The following PIK3C2G variants were observed in gnomAD, a reference collection of about 807,000 sequenced individuals.
The protein encoded by PIK3C2G is phosphatidylinositol-4-phosphate 3-kinase catalytic subunit type 2 gamma.
PIK3C2G carries 168 observed loss-of-function variants against 181.1 expected under a neutral mutation model. The ratio of observed to expected loss-of-function variants is 0.93; its 90% confidence interval spans 0.82 to 1.05. The LOEUF (loss-of-function observed/expected upper bound fraction) is 1.05, where lower values mean the gene tolerates loss of function less well. PIK3C2G is among the 50% of genes least tolerant of loss of function. The probability of loss-of-function intolerance (pLI) is 0.00; values close to 1 mark genes in which losing one functional copy is unlikely to be tolerated. For synonymous variants in PIK3C2G, 573 were observed against 592.2 expected, an observed-to-expected ratio of 0.97 and a Z score of 0.47; for missense variants, 1,869 against 1,732.8, an observed-to-expected ratio of 1.08 and a Z score of -1.40.
chr12:18,716,786 C>A, the PIK3C2G span, among the ~76,000 whole-genome samples: 1 of 151,994 alleles, frequency 6.6e-6, no homozygotes, highest in Non-Finnish European at 1.5e-5. Flanking sequence ...TTTGTTGTAA[C>A]TTATTTAGAT....
At chr12:18,358,999 G>A (rs1238690432) in intron 11 of PIK3C2G, 1 of 154,416 alleles carries the variant, frequency 6.5e-6, no homozygotes, top group Non-Finnish European at 1.4e-5. Context: ...GGGAGGGCGA[G>A]TGAGCAAGCT....
intron 16 of PIK3C2G, among the ~76,000 whole-genome samples, chr12:18,407,661 A>G (rs1303035882): frequency 2.6e-5 from 4 of 152,202 alleles, no homozygotes; most frequent in African/African-American, 7.2e-5. Flanking sequence ...ACATAATCCT[A>G]TGATAACATA....
At chr12:18,409,021 C>T (rs1233456519) in intron 16 of PIK3C2G, among the ~76,000 whole-genome samples, 2 of 152,046 alleles carry the variant, frequency 1.3e-5, no homozygotes, top group African/African-American at 4.8e-5. Flanking sequence ...CTAGAAATAC[C>T]ATTTGACCCA....
chr12:18,316,386 A>G (rs1950863172), intron 6 of PIK3C2G, among the ~76,000 whole-genome samples: 1 of 152,218 alleles, frequency 6.6e-6, no homozygotes, highest in Non-Finnish European at 1.5e-5. Flanking sequence ...TCCAGGGACA[A>G]GCATATTGTT....
chr12:18,395,840 T>G (rs1943857656), intron 15 of PIK3C2G, among the ~76,000 whole-genome samples: 1 of 151,048 alleles, frequency 6.6e-6, no homozygotes, highest in Non-Finnish European at 1.5e-5. Context: ...TATTTTAATC[T>G]CTAGGAAAAC....
chr12:18,537,751 T>G (rs1166549346), intron 24 of PIK3C2G, among the ~76,000 whole-genome samples: 1 of 152,048 alleles, frequency 6.6e-6, no homozygotes, highest in Non-Finnish European at 1.5e-5. Context: ...CAAGGAAATT[T>G]TTTTTAATAC....
intron 18 of PIK3C2G, among the ~76,000 whole-genome samples, chr12:18,475,215 T>TA (rs1391736566): frequency 2.0e-5 from 3 of 152,216 alleles, no homozygotes; most frequent in South Asian, 2.1e-4. Context: ...ATATCTTAAA[T>TA]AAGACTGGGT....
chr12:18,408,327 T>C (rs2135603636), intron 16 of PIK3C2G, among the ~76,000 whole-genome samples: 1 of 152,260 alleles, frequency 6.6e-6, no homozygotes, highest in East Asian at 1.9e-4. Flanking sequence ...GGGAATCCTT[T>C]CCCATTGCTT....
the PIK3C2G span, among the ~76,000 whole-genome samples, chr12:18,665,733 G>C: frequency 6.6e-6 from 1 of 151,914 alleles, no homozygotes; most frequent in Non-Finnish European, 1.5e-5. Context: ...TCAGGAGATC[G>C]AGACCATCCT....
intron 18 of PIK3C2G, among the ~76,000 whole-genome samples, chr12:18,432,684 A>G (rs1325704390): frequency 1.3e-5 from 2 of 152,232 alleles, no homozygotes; most frequent in East Asian, 1.9e-4. Flanking sequence ...TGAATTTGGC[A>G]TCCAAAAGGA....
At chr12:18,459,088 G>T (rs1469028763) in intron 18 of PIK3C2G, among the ~76,000 whole-genome samples, 1 of 152,116 alleles carries the variant, frequency 6.6e-6, no homozygotes, top group African/African-American at 2.4e-5. Flanking sequence ...AGTAGCCATG[G>T]TTTTAAGCCA....
chr12:18,298,623 C>A (rs1215256147), intron 5 of PIK3C2G, among the ~76,000 whole-genome samples: 1 of 151,676 alleles, frequency 6.6e-6, no homozygotes, highest in African/African-American at 2.4e-5. Context: ...AACTTGCCTA[C>A]ACCAATGTTC....
At chr12:18,343,889 G>A (rs920253117) in intron 10 of PIK3C2G, among the ~76,000 whole-genome samples, 8 of 151,940 alleles carry the variant, frequency 5.3e-5, no homozygotes, top group Admixed American at 4.6e-4. Context: ...GGAGGACTTT[G>A]CCTCTATAGA....
chr12:18,338,424 A>C lies in PIK3C2G; in HGVS notation c.1273-2A>C, dbSNP rs777524318. ...GTAAGATGTGAATCTTGTTATCTAC[A>C]GGAAAACGTGTATAATATTATTGAA... On this transcript the variant is annotated splice_acceptor_variant, in intron 8 of 32. Coordinates refer to ENST00000538779, the MANE Select transcript of PIK3C2G (RefSeq NM_001288772.2). LOFTEE classifies it high-confidence loss of function. 6.4e-7 allele frequency: 1 copy of C among 1,552,218 alleles called. No individual in the cohort carries two copies.
rs895273078 is a variant in PIK3C2G at position 18,282,904 on chromosome 12, G to A, written c.678+145G>A. 3 of 539,504 alleles carry A rather than the reference G, an allele frequency of 5.6e-6. 1 individual carries two copies. Among genetic ancestry groups the A allele is most frequent in the South Asian group, 7.8e-5 (2 of 25,758 alleles). The allele number at this position is 539,504 out of a possible 1,614,324, so 33.4% of individuals were successfully genotyped here. A position where few individuals can be genotyped will look rare whatever the true frequency, so the allele number is the denominator to read the frequency against. ...TTTGAAAAAAATTTTCACAAATGATGTGTTCTTGTATTAATGATTTTTTTT... is the reference window on the plus strand; with the variant it reads ...TTTGAAAAAAATTTTCACAAATGATATGTTCTTGTATTAATGATTTTTTTT... On this transcript the variant is annotated intron_variant, in intron 2 of 32. Coordinates refer to ENST00000538779, the MANE Select transcript of PIK3C2G (RefSeq NM_001288772.2).
chr12:18,382,276 T>C (rs1179242691), intron 14 of PIK3C2G, among the ~76,000 whole-genome samples: 1 of 152,202 alleles, frequency 6.6e-6, no homozygotes, highest in Non-Finnish European at 1.5e-5. Context: ...TTCTGTTATA[T>C]GTTTCTTAAA....
At chr12:18,469,092 T>A (rs1462163809) in intron 18 of PIK3C2G, among the ~76,000 whole-genome samples, 1 of 152,138 alleles carries the variant, frequency 6.6e-6, no homozygotes, top group Non-Finnish European at 1.5e-5. Context: ...ATACCCAGAT[T>A]GCTTCAATCA....
At position 18,399,863 on chromosome 12, in the gene PIK3C2G, C is replaced by T. The variant is rs1287128868; in HGVS notation, c.2315+16C>T. On this transcript the variant is annotated intron_variant, in intron 16 of 32. Transcript: ENST00000538779. The stretch of plus-strand genomic sequence containing the variant: ...TGACTTCCAGGTAAGAATTGCATAA[C>T]AAGCATGATATTACTGACTGAGAAG... 2 of 1,531,356 alleles carry T rather than the reference C, an allele frequency of 1.3e-6. No homozygotes were observed. The highest frequency in any genetic ancestry group is 3.5e-5 in the Admixed American group (2 of 57,006). The allele number at this position is 1,531,356 out of a possible 1,614,324, so 94.9% of individuals were successfully genotyped here.
chr12:18,694,745 T>A, the PIK3C2G span, among the ~76,000 whole-genome samples: 3 of 152,124 alleles, frequency 2.0e-5, no homozygotes, highest in Non-Finnish European at 2.9e-5. Flanking sequence ...GAAGACATTT[T>A]TCAGATATAG....
Sources: allele counts gnomAD v4.1 joint callset (sites outside exome capture counted in the v4.1 genomes callset), GRCh38; gene constraint gnomAD v4.1.1; transcripts MANE v1.5; gene names NCBI Gene and HGNC (gene_info 2026-07-23, HGNC 2026-07-21).